The following ATP10B variants were observed in gnomAD, a reference collection of about 807,000 sequenced individuals.
The protein encoded by ATP10B is phospholipid-transporting ATPase VB.
ATP10B carries 122 observed loss-of-function variants against 141.2 expected under a neutral mutation model. The observed-to-expected ratio is 0.86, with a 90% CI of 0.75 to 1.00. ATP10B has a LOEUF of 1.00. Ranked by LOEUF, ATP10B falls within the 50% of genes least tolerant of loss-of-function variation. The pLI is 0.00. For synonymous variants in ATP10B, 685 were observed against 692.0 expected, an observed-to-expected ratio of 0.99 and a Z score of 0.16; for missense variants, 1,876 against 1,825.3, an observed-to-expected ratio of 1.03 and a Z score of -0.51.
At chr5:160,836,575 T>C (rs149278444) in intron 1 of ATP10B, among the ~76,000 whole-genome samples, 157 of 152,262 alleles carry the variant, frequency 1.0e-3, no homozygotes, top group African/African-American at 3.6e-3. Flanking sequence ...CTACATTCTC[T>C]TCATTGCTTA....
intron 24 of ATP10B, among the ~76,000 whole-genome samples, chr5:160,580,686 G>A (rs1349215220): frequency 6.6e-6 from 1 of 152,152 alleles, no homozygotes; most frequent in African/African-American, 2.4e-5. Context: ...ATGAGTTAGG[G>A]AGGAGTCCCT....
chr5:160,760,070 A>G (rs965187136), intron 2 of ATP10B, among the ~76,000 whole-genome samples: 6 of 152,192 alleles, frequency 3.9e-5, no homozygotes, highest in African/African-American at 1.4e-4. Flanking sequence ...GGAGGAAAGT[A>G]CCAAGAGTTT....
chr5:160,796,038 G>T (rs1771929577), intron 1 of ATP10B, among the ~76,000 whole-genome samples: 1 of 152,076 alleles, frequency 6.6e-6, no homozygotes, highest in Non-Finnish European at 1.5e-5. Flanking sequence ...TTGAGGCCAG[G>T]CTTTACTGTC....
In ATP10B at chr5:160,688,951, C is replaced by G. The variant is rs1365313401; in HGVS notation, c.-204-8G>C. ...CACTCCATTTGGTGGTTTCTGAAAC[C>G]AAGTACTTGATTAAGCAGATGGTCT... On this transcript the variant is annotated splice_polypyrimidine_tract_variant and splice_region_variant and intron_variant, in intron 3 of 25. Transcript: ENST00000327245. 1.0e-6 allele frequency: 1 copy of G among 985,224 alleles called. No homozygotes were observed. The highest frequency in any genetic ancestry group is 1.2e-6 in the Non-Finnish European group (1 of 829,888). The allele number at this position is 985,224 out of a possible 1,614,324, so 61.0% of individuals were successfully genotyped here. A position where few individuals can be genotyped will look rare whatever the true frequency, so the allele number is the denominator to read the frequency against.
At chr5:160,576,537 A>G (rs1291492484) in intron 24 of ATP10B, among the ~76,000 whole-genome samples, 1 of 152,192 alleles carries the variant, frequency 6.6e-6, no homozygotes, top group Non-Finnish European at 1.5e-5. Context: ...TATGAAAACA[A>G]TCACAATCCA....
intron 24 of ATP10B, among the ~76,000 whole-genome samples, chr5:160,585,303 G>A (rs1755814303): frequency 6.6e-6 from 1 of 152,178 alleles, no homozygotes; most frequent in African/African-American, 2.4e-5. Context: ...TTATTTTCAA[G>A]AATTCATTAG....
At chr5:160,570,402 A>G (rs1754801657) in intron 24 of ATP10B, among the ~76,000 whole-genome samples, 1 of 152,194 alleles carries the variant, frequency 6.6e-6, no homozygotes, top group African/African-American at 2.4e-5. Context: ...ACTATTTTGT[A>G]TAATTTTGGG....
intron 19 of ATP10B, among the ~76,000 whole-genome samples, chr5:160,605,609 T>C (rs948030411): frequency 6.6e-6 from 1 of 152,216 alleles, no homozygotes; most frequent in African/African-American, 2.4e-5. Flanking sequence ...CTGCTTTCTT[T>C]CTGCCCCACT....
At chr5:160,715,641 C>T (rs1262387557) in intron 3 of ATP10B, among the ~76,000 whole-genome samples, 1 of 152,104 alleles carries the variant, frequency 6.6e-6, no homozygotes, top group Non-Finnish European at 1.5e-5. Context: ...GCTCCTCCCA[C>T]TCTCATAAAC....
chr5:160,568,157 C>T (rs1162241471), intron 25 of ATP10B, among the ~76,000 whole-genome samples: 1 of 152,074 alleles, frequency 6.6e-6, no homozygotes, highest in East Asian at 1.9e-4. Context: ...AAATGTCTCC[C>T]AGTTTCCTCA....
chr5:160,793,946 A>G (rs1771771989), intron 1 of ATP10B, among the ~76,000 whole-genome samples: 1 of 152,222 alleles, frequency 6.6e-6, no homozygotes, highest in South Asian at 2.1e-4. Flanking sequence ...ACGCTGTACT[A>G]TATAGCCTAG....
At chr5:160,643,743 G>C (rs1486123664) in intron 9 of ATP10B, among the ~76,000 whole-genome samples, 3 of 152,182 alleles carry the variant, frequency 2.0e-5, no homozygotes, top group African/African-American at 7.2e-5. Context: ...CACTCTATGA[G>C]GCAGATACAA....
intron 7 of ATP10B, among the ~76,000 whole-genome samples, chr5:160,650,151 C>CAT (rs1210194291): frequency 5.4e-5 from 8 of 148,452 alleles, no homozygotes; most frequent in African/African-American, 1.8e-4. Flanking sequence ...CACACACATA[C>CAT]ATATATATAC....
intron 1 of ATP10B, among the ~76,000 whole-genome samples, chr5:160,806,102 C>T (rs976245636): frequency 3.9e-5 from 6 of 152,172 alleles, no homozygotes; most frequent in Admixed American, 6.5e-5. Context: ...GTATAAAGCC[C>T]ACCCACACTG....
At chr5:160,909,262 G>C in the ATP10B span, among the ~76,000 whole-genome samples, 1 of 152,180 alleles carries the variant, frequency 6.6e-6, no homozygotes, top group Non-Finnish European at 1.5e-5. Context: ...AAACGTGATG[G>C]AAGGTAAGAC....
At chr5:160,602,784 G>A in intron 20 of ATP10B, 82 bp from the exon 21 acceptor site, 1 of 1,589,662 alleles carries the variant, frequency 6.3e-7, no homozygotes, top group African/African-American at 1.3e-5. Context: ...CGTTGCTTTG[G>A]TCTAGGCCTA....
the ATP10B span, among the ~76,000 whole-genome samples, chr5:160,860,195 A>C: frequency 3.0e-4 from 46 of 152,014 alleles, 1 homozygote; most frequent in Admixed American, 2.3e-3. Context: ...CCAACTCTTG[A>C]TTACTGGGAA....
At chr5:160,688,163 C>T in intron 4 of ATP10B, 69 bp from the exon 5 acceptor site, 1 of 1,486,518 alleles carries the variant, frequency 6.7e-7, no homozygotes, top group Non-Finnish European at 9.0e-7. Flanking sequence ...TCATTTCTCC[C>T]CCATCCATGC....
At chr5:160,844,774 G>A (rs541382633) in intron 1 of ATP10B, among the ~76,000 whole-genome samples, 2 of 152,076 alleles carry the variant, frequency 1.3e-5, no homozygotes, top group South Asian at 2.1e-4. Flanking sequence ...TGAACTCCTG[G>A]CCTCAAGTGA....
Sources: gnomAD v4.1 joint callset for allele counts (sites outside exome capture counted in the v4.1 genomes callset) on GRCh38, gnomAD v4.1.1 for gene constraint, MANE v1.5 for transcripts, NCBI Gene and HGNC (gene_info 2026-07-23, HGNC 2026-07-21) for gene names.